The following JPH3 variants were observed in gnomAD, a reference collection of about 807,000 sequenced individuals.
JPH3 encodes the protein junctophilin 3.
JPH3 carries 11 observed loss-of-function variants against 59.6 expected under a neutral mutation model. The observed-to-expected ratio is 0.18, with a 90% CI of 0.12 to 0.31. The LOEUF (loss-of-function observed/expected upper bound fraction) is 0.31. JPH3 is among the 10% of genes least tolerant of loss of function. The probability of loss-of-function intolerance (pLI) is 1.00; values close to 1 mark genes in which losing one functional copy is unlikely to be tolerated. For synonymous variants in JPH3, 673 were observed against 483.6 expected (o/e 1.39, Z -5.14); for missense variants, 1,202 against 1,105.7 (o/e 1.09, Z -1.24).
rs375952108 is a variant in JPH3, at chr16:87,690,398, A to C, written c.2038A>C (p.Ser680Arg). Residue 680 changes from serine (S) to arginine (R), a missense_variant, in exon 4 of 5, where the codon AGC (serine) becomes CGC (arginine). By Grantham distance (110) the Ser-to-Arg change is moderately radical. Coordinates refer to ENST00000284262, the MANE Select transcript of JPH3 (RefSeq NM_020655.4). The stretch of plus-strand genomic sequence containing the variant: ...GGAGCCCGCCGTGCAGAAACTGGCG[A>C]GCCTGCGGCTGGGCGGGGCCGAGCC... Reference protein sequence around the residue: ...SAEPAVQKLASLRLGGAEPRL... With the variant: ...SAEPAVQKLARLRLGGAEPRL... 4.2e-5 allele frequency: 63 copies of C among 1,515,040 alleles called. No individual in the cohort carries two copies. The highest frequency in any genetic ancestry group is 7.1e-6 in the Non-Finnish European group (8 of 1,133,876). The allele number at this position is 1,515,040 out of a possible 1,614,324, so 93.8% of individuals were successfully genotyped here. A position where few individuals can be genotyped will look rare whatever the true frequency, so the allele number is the denominator to read the frequency against.
At chr16:87,650,087 G>A (rs1407236216) in intron 2 of JPH3, among the ~76,000 whole-genome samples, 1 of 152,214 alleles carries the variant, frequency 6.6e-6, no homozygotes, top group African/African-American at 2.4e-5. Context: ...TGCAGACGCT[G>A]TGTTTTTACA....
chr16:87,635,318 G>C (rs947465707), intron 1 of JPH3, among the ~76,000 whole-genome samples: 2 of 152,178 alleles, frequency 1.3e-5, no homozygotes, highest in African/African-American at 2.4e-5. Flanking sequence ...GGGACCCCGG[G>C]CTCCGAAACT....
chr16:87,604,067 C>G (rs2030383534), intron 1 of JPH3: 1 of 985,180 alleles, frequency 1.0e-6, no homozygotes, highest in East Asian at 1.1e-4. Flanking sequence ...CGAACCAAAA[C>G]AGCCAGGCAG....
intron 1 of JPH3, among the ~76,000 whole-genome samples, chr16:87,641,676 G>A (rs1418492144): frequency 2.6e-5 from 4 of 152,252 alleles, no homozygotes; most frequent in East Asian, 1.9e-4. Context: ...CTTTTTCAAC[G>A]GAGAGGCTGC....
At chr16:87,683,397 C>G (rs950078869) in intron 2 of JPH3, among the ~76,000 whole-genome samples, 15 of 152,092 alleles carry the variant, frequency 9.9e-5, no homozygotes, top group African/African-American at 3.6e-4. Flanking sequence ...TTCCGCCTCC[C>G]AGGTTCAAGC....
At chr16:87,689,247 C>T (rs904692955) in intron 3 of JPH3, among the ~76,000 whole-genome samples, 2 of 152,158 alleles carry the variant, frequency 1.3e-5, no homozygotes, top group African/African-American at 4.8e-5. Flanking sequence ...ACAGCTCGGC[C>T]TCCCCAGACA....
At chr16:87,640,059 A>AG (rs1340192658) in intron 1 of JPH3, among the ~76,000 whole-genome samples, 2 of 152,008 alleles carry the variant, frequency 1.3e-5, no homozygotes, top group Admixed American at 6.6e-5. Flanking sequence ...GTTCCAGCTG[A>AG]GGGGGGGCCC....
chr16:87,602,876 C>G lies in JPH3; in HGVS notation c.-271C>G, dbSNP rs1433195349. Reference sequence around the variant, plus strand: ...GCCCCCTCCCTCCCTCCTCCCCTCCCCCTCCCCTCCGGTCCTGTCTCCAGC... The same window carrying G: ...GCCCCCTCCCTCCCTCCTCCCCTCCGCCTCCCCTCCGGTCCTGTCTCCAGC... On this transcript the variant is annotated 5_prime_UTR_variant, in exon 1 of 5. Coordinates refer to ENST00000284262, the MANE Select transcript of JPH3 (RefSeq NM_020655.4). The G allele has an allele frequency of 8.2e-6, 2 of 242,996 alleles. No individual in the cohort carries two copies. The highest frequency in any genetic ancestry group is 1.1e-4 in the Admixed American group (2 of 17,490). 15.1% of individuals were successfully genotyped at this position (242,996 alleles called of 1,614,324 possible). A position where few individuals can be genotyped will look rare whatever the true frequency, so the allele number is the denominator to read the frequency against.
chr16:87,642,916 C>T (rs78288229), intron 1 of JPH3, among the ~76,000 whole-genome samples: 11,650 of 152,244 alleles, frequency 0.077, 556 homozygotes, highest in African/African-American at 0.13. Context: ...GAATGTACCA[C>T]GTTAGCTACT....
intron 2 of JPH3, among the ~76,000 whole-genome samples, chr16:87,645,580 G>T (rs978230512): frequency 6.6e-6 from 1 of 152,168 alleles, no homozygotes; most frequent in South Asian, 2.1e-4. Flanking sequence ...TGGTGCTTTG[G>T]GGGCAGCCGC....
At chr16:87,620,287 G>A (rs1054389536) in intron 1 of JPH3, among the ~76,000 whole-genome samples, 1 of 151,582 alleles carries the variant, frequency 6.6e-6, no homozygotes, top group Non-Finnish European at 1.5e-5. Flanking sequence ...AGGCCAGGGG[G>A]GTGGGGCTGC....
chr16:87,696,099 T>C lies in JPH3; in HGVS notation c.2167-481T>C, dbSNP rs60544028. 3,659 of 457,438 alleles carry C rather than the reference T, an allele frequency of 8.0e-3. 115 individuals are homozygous for C. Among genetic ancestry groups the C allele is most frequent in the African/African-American group, 0.064 (3,198 of 50,188 alleles). The allele number at this position is 457,438 out of a possible 1,614,324, so 28.3% of individuals were successfully genotyped here. ...GTTGAGGACACTGTGCTCACGGACT[T>C]TGGGAGTCCTCTGAGTTCCAGGGCC... is the stretch of plus-strand genomic sequence containing the variant. On this transcript the variant is annotated intron_variant, in intron 4 of 4. Coordinates refer to ENST00000284262, the MANE Select transcript of JPH3 (RefSeq NM_020655.4).
intron 2 of JPH3, among the ~76,000 whole-genome samples, chr16:87,676,604 C>T (rs887014651): frequency 8.6e-5 from 13 of 151,646 alleles, no homozygotes; most frequent in Non-Finnish European, 1.8e-4. Context: ...CATGGTGGTG[C>T]GCGCCTGTAA....
intron 2 of JPH3, among the ~76,000 whole-genome samples, chr16:87,678,657 C>A (rs948825959): frequency 2.6e-5 from 4 of 152,168 alleles, no homozygotes; most frequent in African/African-American, 9.7e-5. Flanking sequence ...CAACTCACTT[C>A]CAACTTCTTG....
chr16:87,654,248 C>T (rs28505805), intron 2 of JPH3: 1 of 152,204 alleles, frequency 6.6e-6, no homozygotes, highest in Non-Finnish European at 1.5e-5. Flanking sequence ...AGATGCGCCT[C>T]TCTGGACTCA....
Position 87,690,251 on chromosome 16 carries a change from A to C in JPH3, c.1891A>C (p.Ser631Arg). ...METHPQKRRY[S>R]KGGACRGLGD... ...GACGCATCCCCAGAAAAGACGCTAC[A>C]GCAAGGGCGGCGCCTGCCGGGGCTT... The change falls in exon 4 of 5, where the codon AGC (serine) becomes CGC (arginine). Residue 631 changes from serine to arginine, a missense_variant. Ser to Arg is a moderately radical substitution (Grantham distance 110, BLOSUM62 -1). Transcript: ENST00000284262. The C allele has an allele frequency of 6.2e-7, 1 of 1,604,518 alleles. No individual in the cohort carries two copies. The highest frequency in any genetic ancestry group is 8.5e-7 in the Non-Finnish European group (1 of 1,176,044).
intron 2 of JPH3, among the ~76,000 whole-genome samples, chr16:87,647,340 C>A (rs950647446): frequency 6.6e-6 from 1 of 151,846 alleles, no homozygotes; most frequent in African/African-American, 2.4e-5. Context: ...TGGCCAGCAT[C>A]CCTGTGTCTC....
At chr16:87,658,303 A>C (rs55743854) in intron 2 of JPH3, among the ~76,000 whole-genome samples, 4,508 of 152,116 alleles carry the variant, frequency 0.03, 221 homozygotes, top group African/African-American at 0.1. Context: ...CCTTTGAAAA[A>C]AGGGTGGGAG....
intron 4 of JPH3, among the ~76,000 whole-genome samples, chr16:87,692,146 G>A (rs1344225767): frequency 6.6e-6 from 1 of 152,062 alleles, no homozygotes; most frequent in Non-Finnish European, 1.5e-5. Flanking sequence ...TGCCAGCTGA[G>A]CTCCTTGGAA....
Sources: gnomAD v4.1 joint callset for allele counts (sites outside exome capture counted in the v4.1 genomes callset) on GRCh38, gnomAD v4.1.1 for gene constraint, MANE v1.5 for transcripts, NCBI Gene and HGNC (gene_info 2026-07-23, HGNC 2026-07-21) for gene names.